DNAH2: variants seen among roughly 807,000 people sequenced by gnomAD.
DNAH2 encodes the protein axonemal beta dynein heavy chain 2.
A neutral mutation model predicts 523.5 loss-of-function variants in DNAH2; 323 were observed. The observed-to-expected ratio is 0.62, with a 90% confidence interval of 0.56 to 0.68. The LOEUF (loss-of-function observed/expected upper bound fraction) is 0.68, where lower values mean the gene tolerates loss of function less well. DNAH2 is among the 30% of genes least tolerant of loss of function. The probability of loss-of-function intolerance (pLI) is 0.00; values close to 1 mark genes in which losing one functional copy is unlikely to be tolerated. For missense variants in DNAH2, 4,907 were observed against 5,701.5 expected (o/e 0.86, Z 4.49); for synonymous variants, 2,093 against 2,177.4 (o/e 0.96, Z 1.08).
chr17:7,778,566 T>C (rs932855785), intron 35 of DNAH2, 97 bp downstream of exon 35: 47 of 1,124,826 alleles, frequency 4.2e-5, no homozygotes, highest in Non-Finnish European at 6.1e-6. Context: ...CTTTGTAGCT[T>C]CATGACATTG....
In DNAH2 at chr17:7,770,607, A is replaced by T; in HGVS notation, c.4149A>T (p.Val1383=). The change falls in exon 26 of 86, where the codon GTA becomes GTT. Residue 1383 remains valine (V), a synonymous_variant. Transcript: ENST00000572933. ...GGGATGTGACTCAGCTCGACATAGT[A>T]CCCTACAAGGATAAGGGCCATCATC... ...KTWDVTQLDI[V]PYKDKGHHRL... The T allele has an allele frequency of 6.2e-7, 1 of 1,614,114 alleles. No individual in the cohort carries two copies. The highest frequency in any genetic ancestry group is 8.5e-7 in the Non-Finnish European group (1 of 1,180,016).
chr17:7,752,194 C>CACACACACACACACAA (rs1260874729), intron 12 of DNAH2, among the ~76,000 whole-genome samples: 7 of 151,672 alleles, frequency 4.6e-5, no homozygotes, highest in Admixed American at 3.3e-4. Flanking sequence ...CACACACACA[C>CACACACACACACACAA]AATTTCTGAT....
At position 7,768,082 on chromosome 17, in the gene DNAH2, G is replaced by A. The variant is rs753814353; in HGVS notation, c.3837+21G>A. On this transcript the variant is annotated intron_variant, in intron 23 of 85. Coordinates refer to ENST00000572933, the MANE Select transcript of DNAH2 (RefSeq NM_020877.5). ...ATAAGGTGGGGAGAAACGGCGGGGA[G>A]GCGGAAGAGAAGCTGGTGGAGGATC... 34 of 1,614,146 alleles carry A rather than the reference G, an allele frequency of 2.1e-5. No individual in the cohort carries two copies. In the South Asian group the frequency reaches 3.3e-4, roughly 16 times the overall value.
intron 20 of DNAH2, 84 bp from the exon 21 acceptor site, chr17:7,765,307 A>G (rs2076134892): frequency 9.1e-7 from 1 of 1,098,716 alleles, no homozygotes; most frequent in South Asian, 1.6e-5. Flanking sequence ...ATGAGAGGGC[A>G]GACCTCCTGC....
intron 24 of DNAH2, among the ~76,000 whole-genome samples, chr17:7,769,409 G>A (rs1234384381): frequency 2.0e-5 from 3 of 152,110 alleles, no homozygotes; most frequent in South Asian, 2.1e-4. Context: ...TGATCCGCTC[G>A]CCTTGGCCTC....
chr17:7,776,840 C>T lies in DNAH2; in HGVS notation c.5009C>T (p.Ala1670Val), dbSNP rs148519743. 1.9e-4 allele frequency: 301 copies of T among 1,612,646 alleles called. No homozygotes were observed. Among genetic ancestry groups the T allele is most frequent in the Non-Finnish European group, 2.4e-4 (279 of 1,179,210 alleles). ...GATGTCACCAAGTGCCTGCTGACAG[C>T]GAAGGAGCGGGCAGACAAGAAAATC... Reference protein sequence around the residue: ...TADVTKCLLTAKERADKKILK... With the variant: ...TADVTKCLLTVKERADKKILK... The change falls in exon 32 of 86, where the codon GCG becomes GTG. Residue 1670 changes from alanine to valine, a missense_variant. Ala to Val is a moderately conservative substitution (Grantham distance 64, BLOSUM62 0). Around this residue, in one of 3 missense-constraint regions of DNAH2, gnomAD observed 2,806 missense variants for 3,190.8 expected, o/e 0.88. Coordinates refer to ENST00000572933, the MANE Select transcript of DNAH2 (RefSeq NM_020877.5).
At position 7,777,640 on chromosome 17, in the gene DNAH2, A is replaced by C. The variant is rs754550685; in HGVS notation, c.5247+6A>C. 6.2e-7 allele frequency: 1 copy of C among 1,613,816 alleles called. No homozygotes were observed. Among genetic ancestry groups the C allele is most frequent in the Admixed American group, 1.7e-5 (1 of 60,018 alleles). ...TTCGGTTCTACTGGGAGAAGGTGCC[A>C]GATGGGCCACCTCCCCACTCTCTTA... is the stretch of plus-strand genomic sequence containing the variant. On this transcript the variant is annotated splice_donor_region_variant and intron_variant, in intron 33 of 85. Transcript: ENST00000572933.
chr17:7,721,626 C>G (rs750268633), intron 2 of DNAH2, among the ~76,000 whole-genome samples: 6 of 152,220 alleles, frequency 3.9e-5, no homozygotes, highest in Non-Finnish European at 5.9e-5. Flanking sequence ...TCATTCCCCT[C>G]TTAGTTTTCC....
At chr17:7,721,004 CTTTT>C (rs71159523) in intron 2 of DNAH2, among the ~76,000 whole-genome samples, 7 of 109,736 alleles carry the variant, frequency 6.4e-5, no homozygotes, top group South Asian at 3.0e-4. Context: ...TTCTTTCTTT[CTTTT>C]TTTTTTTTTT....
Position 7,743,002 on chromosome 17 carries a change from C to G in DNAH2, c.1764C>G (p.Val588=). The change falls in exon 12 of 86, where the codon GTC becomes GTG. Residue 588 remains valine (V), a synonymous_variant. Transcript: ENST00000572933. ...KESVHTYQQM[V]QAIDELVRKT... ...GTGTGCACACCTATCAGCAGATGGT[C>G]CAGGCCATTGATGAGCTGGTTCGAA... The G allele has an allele frequency of 6.6e-7, 1 of 1,521,384 alleles. No individual in the cohort carries two copies. Among genetic ancestry groups the G allele is most frequent in the Non-Finnish European group, 8.8e-7 (1 of 1,138,434 alleles). The allele number at this position is 1,521,384 out of a possible 1,614,324, so 94.2% of individuals were successfully genotyped here.
intron 12 of DNAH2, among the ~76,000 whole-genome samples, chr17:7,750,615 T>G (rs1336877678): frequency 6.6e-6 from 1 of 152,196 alleles, no homozygotes; most frequent in Non-Finnish European, 1.5e-5. Context: ...ATAGTAATTG[T>G]CTTTGGCTTT....
intron 18 of DNAH2, 108 bp from the exon 19 acceptor site, chr17:7,763,723 T>A: frequency 7.5e-7 from 1 of 1,340,298 alleles, no homozygotes; most frequent in Non-Finnish European, 1.1e-6. Flanking sequence ...ACTCTAGAAC[T>A]GCTGCCCAGG....
At chr17:7,813,186 G>A (rs1212082779) in intron 63 of DNAH2, among the ~76,000 whole-genome samples, 4 of 151,994 alleles carry the variant, frequency 2.6e-5, no homozygotes, top group Admixed American at 1.3e-4. Context: ...AAATTTAAAG[G>A]AACGAGAAAT....
chr17:7,733,273 C>A lies in DNAH2; in HGVS notation c.586C>A (p.His196Asn). 3 of 1,614,118 alleles carry A rather than the reference C, an allele frequency of 1.9e-6. No individual in the cohort carries two copies. The highest frequency in any genetic ancestry group is 2.5e-6 in the Non-Finnish European group (3 of 1,180,024). Residue 196 changes from histidine to asparagine, a missense_variant, in exon 5 of 86, where the codon CAT becomes AAT. By Grantham distance (68) the His-to-Asn change is moderately conservative. Around this residue, in one of 3 missense-constraint regions of DNAH2, gnomAD observed 2,806 missense variants for 3,190.8 expected, o/e 0.88. Coordinates refer to ENST00000572933, the MANE Select transcript of DNAH2 (RefSeq NM_020877.5). ...AGGCTGGCCTGAGAGCATTAGAAAT[C>A]ATTTTGCTTCTCATCTGCACAAGTT... ...NTGWPESIRN[H>N]FASHLHKFLA... is the part of the protein sequence containing the mutation.
chr17:7,790,130 G>A (rs1226784655), intron 44 of DNAH2, among the ~76,000 whole-genome samples: 1 of 152,224 alleles, frequency 6.6e-6, no homozygotes, highest in South Asian at 2.1e-4. Context: ...TGTGCTCCAT[G>A]CGCCCAGTCA....
chr17:7,792,436 A>G, intron 46 of DNAH2, 93 bp downstream of exon 46: 1 of 1,330,266 alleles, frequency 7.5e-7, no homozygotes, highest in Non-Finnish European at 1.1e-6. Flanking sequence ...AAAATGAGCA[A>G]TAGGAAGGAG....
At chr17:7,813,307 T>A (rs1597741645) in intron 63 of DNAH2, among the ~76,000 whole-genome samples, 1 of 151,674 alleles carries the variant, frequency 6.6e-6, no homozygotes, top group South Asian at 2.1e-4. Context: ...GCTGCTACGG[T>A]CTCAAACTTC....
intron 4 of DNAH2, among the ~76,000 whole-genome samples, chr17:7,728,468 C>T (rs988177385): frequency 1.4e-4 from 21 of 152,108 alleles, no homozygotes; most frequent in African/African-American, 5.1e-4. Context: ...AGAACTTTTG[C>T]CCTGTGCACT....
Position 7,777,574 on chromosome 17 carries a change from T to C in DNAH2, c.5187T>C (p.Ser1729=), listed in dbSNP as rs1464904836. 2 of 1,614,040 alleles carry C rather than the reference T, an allele frequency of 1.2e-6. No homozygotes were observed. Among genetic ancestry groups the C allele is most frequent in the African/African-American group, 2.7e-5 (2 of 74,982 alleles). The stretch of plus-strand genomic sequence containing the variant: ...ATGTGTTGGAGAAGCTTTACAAGAG[T>C]GGCCTCATGGATGTCAATTCCTTTG... ...ARDVLEKLYK[S]GLMDVNSFDW... The change falls in exon 33 of 86, where the codon AGT becomes AGC. Residue 1729 remains serine (S), a synonymous_variant. Transcript: ENST00000572933.
Sources: allele counts gnomAD v4.1 joint callset (sites outside exome capture counted in the v4.1 genomes callset), GRCh38; gene constraint gnomAD v4.1.1; regional missense constraint gnomAD v4.1.1; transcripts MANE v1.5; gene names NCBI Gene and HGNC (gene_info 2026-07-23, HGNC 2026-07-21).